AUTS2: variants seen among roughly 807,000 people sequenced by gnomAD.
The protein encoded by AUTS2 is autism susceptibility gene 2 protein.
AUTS2 carries 17 observed loss-of-function variants against 112.4 expected under a neutral mutation model. That is an observed-to-expected ratio of 0.15 (90% CI 0.10 to 0.23). The LOEUF (loss-of-function observed/expected upper bound fraction) is 0.23. AUTS2 is among the 10% of genes least tolerant of loss of function. The probability of loss-of-function intolerance (pLI) is 1.00; values close to 1 mark genes in which losing one functional copy is unlikely to be tolerated. For missense variants in AUTS2, 1,510 were observed against 1,701.6 expected (o/e 0.89, Z 1.98); for synonymous variants, 751 against 702.7 (o/e 1.07, Z -1.09).
intron 6 of AUTS2, among the ~76,000 whole-genome samples, chr7:70,750,602 A>G (rs1007448687): frequency 8.8e-5 from 13 of 148,510 alleles, no homozygotes; most frequent in Non-Finnish European, 1.3e-4. Context: ...GGGTTTTGCC[A>G]TGTTGCCTAG....
chr7:69,916,036 G>A (rs1316384671), intron 2 of AUTS2, among the ~76,000 whole-genome samples: 1 of 152,208 alleles, frequency 6.6e-6, no homozygotes, highest in Non-Finnish European at 1.5e-5. Flanking sequence ...TAAAAATTTA[G>A]ACTTCAGATT....
intron 2 of AUTS2, among the ~76,000 whole-genome samples, chr7:70,018,055 G>A (rs951540152): frequency 1.3e-5 from 2 of 151,884 alleles, no homozygotes; most frequent in South Asian, 2.1e-4. Context: ...TTTGGTTTCC[G>A]TTTCATGAAG....
intron 2 of AUTS2, among the ~76,000 whole-genome samples, chr7:69,944,641 T>G (rs1796743242): frequency 6.6e-6 from 1 of 152,200 alleles, no homozygotes. Flanking sequence ...TTCATCTACT[T>G]TTTCTTTTCA....
intron 5 of AUTS2, among the ~76,000 whole-genome samples, chr7:70,531,410 G>C (rs1297770042): frequency 1.3e-5 from 2 of 152,192 alleles, no homozygotes; most frequent in Non-Finnish European, 2.9e-5. Flanking sequence ...AATACCTGAG[G>C]CTGGGTAATT....
At chr7:70,755,229 A>T (rs1243610566) in intron 6 of AUTS2, among the ~76,000 whole-genome samples, 2 of 149,844 alleles carry the variant, frequency 1.3e-5, no homozygotes, top group South Asian at 2.1e-4. Context: ...GGCTATGATC[A>T]CTCCAGCGTG....
chr7:69,731,792 C>T (rs1349540769), intron 1 of AUTS2, among the ~76,000 whole-genome samples: 1 of 152,100 alleles, frequency 6.6e-6, no homozygotes, highest in Non-Finnish European at 1.5e-5. Flanking sequence ...AAGGTTATGT[C>T]TTTTGTCTTA....
intron 1 of AUTS2, among the ~76,000 whole-genome samples, chr7:69,655,794 G>T (rs1469544703): frequency 6.6e-6 from 1 of 152,118 alleles, no homozygotes; most frequent in Non-Finnish European, 1.5e-5. Context: ...CCTTCCTGGG[G>T]ACCTGTTTAG....
intron 2 of AUTS2, among the ~76,000 whole-genome samples, chr7:69,908,829 A>G (rs1230046484): frequency 1.3e-5 from 2 of 152,208 alleles, no homozygotes; most frequent in Non-Finnish European, 2.9e-5. Flanking sequence ...GCAATTAGCT[A>G]CATATTCTGA....
chr7:70,093,945 A>G (rs1021517680), intron 2 of AUTS2, among the ~76,000 whole-genome samples: 1 of 152,228 alleles, frequency 6.6e-6, no homozygotes, highest in African/African-American at 2.4e-5. Flanking sequence ...TGGAAGAGGT[A>G]CTTAGGGGCC....
At chr7:70,609,015 A>G (rs1426085342) in intron 5 of AUTS2, among the ~76,000 whole-genome samples, 2 of 152,212 alleles carry the variant, frequency 1.3e-5, no homozygotes, top group Non-Finnish European at 2.9e-5. Flanking sequence ...TAAAATGTGC[A>G]TACATTGTGG....
At chr7:70,713,447 A>T (rs2129550251) in intron 6 of AUTS2, among the ~76,000 whole-genome samples, 1 of 152,342 alleles carries the variant, frequency 6.6e-6, no homozygotes, top group East Asian at 1.9e-4. Context: ...TTTCCCAAAA[A>T]ATGTAAAACT....
intron 4 of AUTS2, among the ~76,000 whole-genome samples, chr7:70,192,812 A>T (rs774963741): frequency 6.6e-6 from 1 of 152,164 alleles, no homozygotes; most frequent in Admixed American, 6.5e-5. Flanking sequence ...CTTCGAATGG[A>T]ATTTGGGCAG....
intron 2 of AUTS2, among the ~76,000 whole-genome samples, chr7:70,115,662 A>G (rs1381939554): frequency 6.6e-6 from 1 of 152,246 alleles, no homozygotes; most frequent in Non-Finnish European, 1.5e-5. Flanking sequence ...CATACCTTGG[A>G]GGTAGTTCTA....
At chr7:69,913,204 C>G (rs962197020) in intron 2 of AUTS2, among the ~76,000 whole-genome samples, 1 of 152,078 alleles carries the variant, frequency 6.6e-6, no homozygotes, top group African/African-American at 2.4e-5. Context: ...TAGTTCAGAC[C>G]CACTTCTTCC....
At chr7:70,277,926 T>TTTTGTGTGTG in intron 4 of AUTS2, among the ~76,000 whole-genome samples, 1 of 129,088 alleles carries the variant, frequency 7.7e-6, no homozygotes, top group Admixed American at 7.5e-5. Flanking sequence ...CCTTGTGTAT[T>TTTTGTGTGTG]TGTGTGTGTG....
chr7:70,619,193 A>T (rs2129536467), intron 5 of AUTS2, among the ~76,000 whole-genome samples: 1 of 152,106 alleles, frequency 6.6e-6, no homozygotes, highest in Middle Eastern at 3.4e-3. Context: ...AACAAATTAG[A>T]GCATCTATGA....
chr7:69,770,449 C>T (rs1283219475), intron 1 of AUTS2, among the ~76,000 whole-genome samples: 3 of 152,062 alleles, frequency 2.0e-5, no homozygotes, highest in Non-Finnish European at 2.9e-5. Context: ...CAGGTGGAGG[C>T]GCCGCAGTGG....
chr7:70,413,714 G>T (rs1306870194), intron 4 of AUTS2, among the ~76,000 whole-genome samples: 4 of 151,954 alleles, frequency 2.6e-5, no homozygotes, highest in Non-Finnish European at 2.9e-5. Context: ...GTCTCACTTT[G>T]TCACCCAGGC....
At chr7:70,349,337 GATTAA>G (rs1329885616) in intron 4 of AUTS2, among the ~76,000 whole-genome samples, 1 of 136,834 alleles carries the variant, frequency 7.3e-6, no homozygotes, top group Non-Finnish European at 1.6e-5. Flanking sequence ...TTTTATAAGT[GATTAA>G]AGTAAAACCA....
Sources: allele counts gnomAD v4.1 joint callset (sites outside exome capture counted in the v4.1 genomes callset), GRCh38; gene constraint gnomAD v4.1.1; transcripts MANE v1.5; gene names NCBI Gene and HGNC (gene_info 2026-07-23, HGNC 2026-07-21).